The following SPIDR variants were observed in gnomAD, a reference collection of about 807,000 sequenced individuals.
The protein encoded by SPIDR is scaffold protein involved in DNA repair.
Under a neutral mutation model 104.6 loss-of-function variants are expected in SPIDR, and 93 were observed. The ratio of observed to expected loss-of-function variants is 0.89; its 90% CI spans 0.75 to 1.06. SPIDR has a LOEUF of 1.06. SPIDR is among the 50% of genes least tolerant of loss of function. The pLI is 0.00. For synonymous variants in SPIDR, 431 were observed against 416.9 expected (o/e 1.03, Z -0.41); for missense variants, 1,154 against 1,111.2 (o/e 1.04, Z -0.55).
chr8:47,521,988 A>G (rs1269615139), intron 8 of SPIDR, among the ~76,000 whole-genome samples: 1 of 151,130 alleles, frequency 6.6e-6, no homozygotes, highest in East Asian at 2.0e-4. Context: ...ACATGGTGAA[A>G]CCCCGTGTCT....
intron 5 of SPIDR, among the ~76,000 whole-genome samples, chr8:47,386,748 C>G (rs1554648422): frequency 6.6e-6 from 1 of 152,044 alleles, no homozygotes; most frequent in African/African-American, 2.4e-5. Flanking sequence ...TATTTCAAAA[C>G]TGGTGGAGCC....
intron 10 of SPIDR, among the ~76,000 whole-genome samples, chr8:47,656,913 G>A (rs956121422): frequency 2.0e-5 from 3 of 152,126 alleles, no homozygotes; most frequent in African/African-American, 7.2e-5. Flanking sequence ...GACATAGAAG[G>A]CCACATATCA....
At chr8:47,663,993 A>G (rs1451640694) in intron 10 of SPIDR, among the ~76,000 whole-genome samples, 1 of 152,234 alleles carries the variant, frequency 6.6e-6, no homozygotes, top group Non-Finnish European at 1.5e-5. Flanking sequence ...AATGGAATCA[A>G]AAATAACTAC....
At chr8:47,706,477 CTG>C (rs2081104697) in intron 14 of SPIDR, among the ~76,000 whole-genome samples, 2 of 152,274 alleles carry the variant, frequency 1.3e-5, no homozygotes, top group Admixed American at 6.5e-5. Context: ...CGTGTGCACT[CTG>C]TGTGTTTGTG....
Position 47,424,517 on chromosome 8 carries a change from T to C in SPIDR, c.878-15806T>C, listed in dbSNP as rs529539657. ...TTTCTCTACAGAAATGGAGTCTTCC[T>C]ATGTTTTCCAGGCTGGTCTCGAACT... On this transcript the variant is annotated intron_variant, in intron 7 of 19. Transcript: ENST00000297423. Among the ~76,000 whole-genome samples, 4 of 152,252 alleles carry C rather than the reference T, an allele frequency of 2.6e-5. No homozygotes were observed. In the South Asian group the frequency reaches 8.3e-4, roughly 32 times the overall value.
chr8:47,524,066 T>C (rs16927308), intron 8 of SPIDR, among the ~76,000 whole-genome samples: 4,008 of 152,268 alleles, frequency 0.026, 133 homozygotes, highest in African/African-American at 0.084. Flanking sequence ...AGAATTGACA[T>C]CTGAGTTAGG....
chr8:47,685,505 A>ATTTTTTTTTTT lies in SPIDR; in HGVS notation c.1685+11567_1685+11568insTTTTTTTTTTT, dbSNP rs201735323. ...TATTTATTTATTTATTTATTTATTT[A>ATTTTTTTTTTT]TTTATTTATTTATTTTTTTGAGACA... On this transcript the variant is annotated intron_variant, in intron 11 of 19. Transcript: ENST00000297423. 3.9e-4 allele frequency among the ~76,000 whole-genome samples: 41 copies of ATTTTTTTTTTT among 104,414 alleles called. 1 individual carries two copies. Among genetic ancestry groups the ATTTTTTTTTTT allele is most frequent in the Non-Finnish European group, 7.2e-4 (30 of 41,646 alleles). 68.5% of individuals were successfully genotyped at this position (104,414 alleles called of 152,430 possible). A position where few individuals can be genotyped will look rare whatever the true frequency, so the allele number is the denominator to read the frequency against.
At chr8:47,313,558 A>G (rs1295793310) in intron 5 of SPIDR, among the ~76,000 whole-genome samples, 3 of 152,222 alleles carry the variant, frequency 2.0e-5, no homozygotes, top group African/African-American at 7.2e-5. Context: ...ATTGGAAAAA[A>G]CTACTTTAAA....
At position 47,714,291 on chromosome 8, in the gene SPIDR, G is replaced by A. The variant is rs184431796; in HGVS notation, c.2341+650G>A. Among the ~76,000 whole-genome samples, 568 of 152,272 alleles carry A rather than the reference G, an allele frequency of 3.7e-3. 3 individuals carry two copies. Among genetic ancestry groups the A allele is most frequent in the South Asian group, 0.022 (107 of 4,820 alleles). ...TTGAGCGATGAATTGGGCATAGATGGAGGCAGAAGACATCTGACAACCTCC... is the reference window on the plus strand; with the variant it reads ...TTGAGCGATGAATTGGGCATAGATGAAGGCAGAAGACATCTGACAACCTCC... On this transcript the variant is annotated intron_variant, in intron 16 of 19. Transcript: ENST00000297423.
intron 7 of SPIDR, among the ~76,000 whole-genome samples, chr8:47,420,423 G>C (rs912781814): frequency 3.9e-5 from 6 of 152,114 alleles, no homozygotes; most frequent in Non-Finnish European, 8.8e-5. Flanking sequence ...TTTTATCAGA[G>C]ACTAGGATTG....
At chr8:47,363,290 G>A (rs1239051198) in intron 5 of SPIDR, among the ~76,000 whole-genome samples, 1 of 128,162 alleles carries the variant, frequency 7.8e-6, no homozygotes, top group African/African-American at 3.1e-5. Flanking sequence ...GCTGCAAGCT[G>A]TGCCTCCCGG....
Position 47,689,468 on chromosome 8 carries a change from A to G in SPIDR, c.1686-10935A>G, listed in dbSNP as rs1242573787. 2.0e-5 allele frequency among the ~76,000 whole-genome samples: 3 copies of G among 152,284 alleles called. No homozygotes were observed. The East Asian group carries it at 5.8e-4, about 29-fold the overall frequency. On this transcript the variant is annotated intron_variant, in intron 11 of 19. Transcript: ENST00000297423. ...AAAATAAGTCTCAGAAGCAGATATT[A>G]TTTTACCCACTTCACAGATGAGGAG...
intron 3 of SPIDR, among the ~76,000 whole-genome samples, chr8:47,287,422 C>T (rs1180386116): frequency 6.6e-6 from 1 of 152,124 alleles, no homozygotes. Context: ...ACCTCAAATT[C>T]ACCAGGGTGG....
At chr8:47,708,192 G>A (rs58352423) in intron 14 of SPIDR, among the ~76,000 whole-genome samples, 7,725 of 152,224 alleles carry the variant, frequency 0.051, 660 homozygotes, top group African/African-American at 0.18. Flanking sequence ...CCAGCTACCC[G>A]GGAGTCTGAG....
Position 47,502,509 on chromosome 8 carries a change from C to A in SPIDR, c.1097+61967C>A, listed in dbSNP as rs914220395. 9.2e-5 allele frequency among the ~76,000 whole-genome samples: 14 copies of A among 152,020 alleles called. No homozygotes were observed. In the South Asian group the frequency reaches 2.1e-3, roughly 23 times the overall value. ...ATACCTCCTTTATCATTTTTTATTG[C>A]GTCTATTTGATTCTTCTCTCTTTTC... On this transcript the variant is annotated intron_variant, in intron 8 of 19. Transcript: ENST00000297423.
At chr8:47,641,759 T>C (rs750511271) in intron 10 of SPIDR, among the ~76,000 whole-genome samples, 10 of 152,080 alleles carry the variant, frequency 6.6e-5, no homozygotes, top group Non-Finnish European at 1.2e-4. Context: ...CTGCCTGACA[T>C]AGAAGCCCAG....
chr8:47,446,582 CTT>C (rs574653139), intron 8 of SPIDR, among the ~76,000 whole-genome samples: 89 of 136,684 alleles, frequency 6.5e-4, no homozygotes, highest in Non-Finnish European at 6.1e-4. Flanking sequence ...ATAATGATTC[CTT>C]TTTTTTTTTT....
intron 16 of SPIDR, among the ~76,000 whole-genome samples, chr8:47,724,687 G>T (rs2083940108): frequency 1.3e-5 from 2 of 152,180 alleles, no homozygotes; most frequent in South Asian, 4.1e-4. Context: ...GAGTTTAAAA[G>T]GACCCTGAAT....
At chr8:47,565,992 A>ATATATATATATATATATATAT (rs1554802202) in intron 8 of SPIDR, among the ~76,000 whole-genome samples, 10 of 14,930 alleles carry the variant, frequency 6.7e-4, no homozygotes, top group Non-Finnish European at 1.0e-3. Context: ...ATATATATAT[A>ATATATATATATATATATATAT]TTTTTTTTTT....
Sources: gnomAD v4.1 joint callset for allele counts (sites outside exome capture counted in the v4.1 genomes callset) on GRCh38, gnomAD v4.1.1 for gene constraint, MANE v1.5 for transcripts, NCBI Gene and HGNC (gene_info 2026-07-23, HGNC 2026-07-21) for gene names.